BMPR1A: variants seen among roughly 807,000 people sequenced by gnomAD.
BMPR1A encodes the protein bone morphogenetic protein receptor type-1A.
In BMPR1A, 7 loss-of-function variants were observed where a neutral mutation model predicts 66.0. The ratio of observed to expected loss-of-function variants is 0.11; its 90% CI spans 0.06 to 0.20. The LOEUF (loss-of-function observed/expected upper bound fraction) is 0.20, where lower values mean the gene tolerates loss of function less well. Ranked by LOEUF, BMPR1A falls within the 10% of genes least tolerant of loss-of-function variation. The pLI is 1.00. For synonymous variants in BMPR1A, 200 were observed against 229.7 expected, an observed-to-expected ratio of 0.87 and a Z score of 1.17; for missense variants, 408 against 669.1, an observed-to-expected ratio of 0.61 and a Z score of 4.31.
intron 5 of BMPR1A, among the ~76,000 whole-genome samples, chr10:86,898,592 T>C (rs2133447445): frequency 6.6e-6 from 1 of 152,352 alleles, no homozygotes; most frequent in African/African-American, 2.4e-5. Context: ...TGAAGAATTG[T>C]TCGTTTTTCT....
intron 7 of BMPR1A, 33 bp from the exon 8 acceptor site, chr10:86,912,207 T>C: frequency 6.2e-7 from 1 of 1,610,610 alleles, no homozygotes; most frequent in Non-Finnish European, 8.5e-7. Flanking sequence ...GTTTTTCATT[T>C]TTAATGTAGA....
chr10:86,923,157 AT>A (rs1231187735), intron 11 of BMPR1A, among the ~76,000 whole-genome samples: 1 of 152,236 alleles, frequency 6.6e-6, no homozygotes, highest in Non-Finnish European at 1.5e-5. Context: ...GATGGACTCT[AT>A]CACAGTTGTG....
intron 1 of BMPR1A, among the ~76,000 whole-genome samples, chr10:86,831,049 CT>C (rs1564697707): frequency 6.6e-6 from 1 of 152,148 alleles, no homozygotes; most frequent in East Asian, 1.9e-4. Context: ...TGAACCAGTT[CT>C]TTTTATGGCT....
At chr10:86,826,646 G>A (rs1000531354) in intron 1 of BMPR1A, among the ~76,000 whole-genome samples, 13 of 151,990 alleles carry the variant, frequency 8.6e-5, no homozygotes, top group African/African-American at 2.9e-4. Flanking sequence ...TATATAGATG[G>A]CATTAATTTT....
intron 10 of BMPR1A, among the ~76,000 whole-genome samples, chr10:86,919,904 C>T (rs912490509): frequency 3.9e-5 from 6 of 152,066 alleles, no homozygotes; most frequent in African/African-American, 9.7e-5. Context: ...GATGGGGTCT[C>T]ACTGTGTTGC....
chr10:86,780,408 A>G (rs1046565274), intron 1 of BMPR1A, among the ~76,000 whole-genome samples: 3 of 151,266 alleles, frequency 2.0e-5, no homozygotes, highest in South Asian at 2.1e-4. Flanking sequence ...TGTTTCCCCT[A>G]TGTTTTCTTA....
chr10:86,908,070 GGT>G (rs1415928193), intron 7 of BMPR1A, among the ~76,000 whole-genome samples: 3 of 152,150 alleles, frequency 2.0e-5, no homozygotes, highest in Admixed American at 6.5e-5. Context: ...TGGGCATGGT[GGT>G]GCACATCTGT....
At chr10:86,795,081 C>T (rs532685182) in intron 1 of BMPR1A, among the ~76,000 whole-genome samples, 1 of 152,100 alleles carries the variant, frequency 6.6e-6, no homozygotes, top group East Asian at 1.9e-4. Flanking sequence ...GAACTCCCGA[C>T]CTCAGGTGAT....
chr10:86,904,069 A>G (rs768509090), intron 7 of BMPR1A, among the ~76,000 whole-genome samples: 3 of 152,054 alleles, frequency 2.0e-5, no homozygotes, highest in Non-Finnish European at 2.9e-5. Context: ...AAGCCTGGCT[A>G]ATTTTTGTAT....
intron 2 of BMPR1A, among the ~76,000 whole-genome samples, chr10:86,874,356 G>A (rs978519074): frequency 6.6e-6 from 1 of 152,072 alleles, no homozygotes; most frequent in Non-Finnish European, 1.5e-5. Flanking sequence ...CAATATTTTA[G>A]GAAATAATTT....
chr10:86,785,977 A>G (rs929121842), intron 1 of BMPR1A, among the ~76,000 whole-genome samples: 3 of 152,014 alleles, frequency 2.0e-5, no homozygotes, highest in South Asian at 2.1e-4. Context: ...CTCCTTCTCA[A>G]TCCTTCAACG....
intron 3 of BMPR1A, chr10:86,889,809 CTT>C: frequency 4.1e-6 from 2 of 484,338 alleles, no homozygotes; most frequent in Non-Finnish European, 7.3e-6. Flanking sequence ...TTGCGCCACT[CTT>C]GTTTGTCTTT....
intron 1 of BMPR1A, among the ~76,000 whole-genome samples, chr10:86,777,209 C>T (rs1209967743): frequency 2.0e-5 from 3 of 152,128 alleles, no homozygotes; most frequent in African/African-American, 7.2e-5. Flanking sequence ...ACCCCAGTTT[C>T]TCTATTAAGA....
downstream of BMPR1A, chr10:86,932,660 T>C (rs1027448823): frequency 3.9e-5 from 6 of 152,288 alleles, no homozygotes; most frequent in African/African-American, 1.2e-4. Context: ...GGGAGCTTTC[T>C]TGATGGAGGG....
chr10:86,849,974 G>A (rs960465344), intron 2 of BMPR1A, among the ~76,000 whole-genome samples: 1 of 152,122 alleles, frequency 6.6e-6, no homozygotes, highest in Non-Finnish European at 1.5e-5. Flanking sequence ...CATCCAGAAA[G>A]CATCTTGCTC....
intron 2 of BMPR1A, among the ~76,000 whole-genome samples, chr10:86,865,106 A>T (rs1033135309): frequency 6.6e-6 from 1 of 152,162 alleles, no homozygotes; most frequent in African/African-American, 2.4e-5. Context: ...TTGCACATAT[A>T]CGCCCAGATG....
At chr10:86,914,165 G>A (rs1843529757) in intron 8 of BMPR1A, among the ~76,000 whole-genome samples, 2 of 151,354 alleles carry the variant, frequency 1.3e-5, no homozygotes, top group Admixed American at 6.6e-5. Flanking sequence ...TTGGAAAAAG[G>A]CAGTCCATTT....
Position 86,902,372 on chromosome 10 carries a change from GT to G in BMPR1A, c.530+2255del, listed in dbSNP as rs113096288. Among the ~76,000 whole-genome samples, 631 of 147,950 alleles carry G rather than the reference GT, an allele frequency of 4.3e-3. 7 individuals are homozygous for G. The highest frequency in any genetic ancestry group is 0.015 in the African/African-American group (595 of 40,306). On this transcript the variant is annotated intron_variant, in intron 7 of 12. Transcript: ENST00000372037. ...GAGCTACCTATACTTTTCTTTTTTT[GT>G]TTTTTTTTCATGCTGCGTTACCTCA...
chr10:86,802,841 C>T (rs1281908169), intron 1 of BMPR1A, among the ~76,000 whole-genome samples: 3 of 151,152 alleles, frequency 2.0e-5, no homozygotes, highest in East Asian at 3.9e-4. Flanking sequence ...GAGGCTGAGG[C>T]AGGAGGATTG....
Sources: allele counts gnomAD v4.1 joint callset (sites outside exome capture counted in the v4.1 genomes callset), GRCh38; gene constraint gnomAD v4.1.1; transcripts MANE v1.5; gene names NCBI Gene and HGNC (gene_info 2026-07-23, HGNC 2026-07-21).